The following CTTNBP2NL variants were observed in gnomAD, a reference collection of about 807,000 sequenced individuals.
The protein encoded by CTTNBP2NL is CTTNBP2 N-terminal-like protein.
In CTTNBP2NL, 16 loss-of-function variants were observed where a neutral mutation model predicts 32.5. The observed-to-expected ratio is 0.49, with a 90% CI of 0.33 to 0.75. The LOEUF is 0.75. Among genes scored for constraint, CTTNBP2NL ranks in the 30% least tolerant of loss-of-function variants. The probability of loss-of-function intolerance (pLI) is 0.02; values close to 1 mark genes in which losing one functional copy is unlikely to be tolerated. For synonymous variants in CTTNBP2NL, 298 were observed against 289.4 expected (o/e 1.03, Z -0.30); for missense variants, 645 against 756.0 (o/e 0.85, Z 1.72).
chr1:112,456,494 G>A lies in CTTNBP2NL; in HGVS notation c.1002G>A (p.Gly334=), dbSNP rs773128657. 1.2e-6 allele frequency: 2 copies of A among 1,614,140 alleles called. No homozygotes were observed. Among genetic ancestry groups the A allele is most frequent in the South Asian group, 1.1e-5 (1 of 91,086 alleles). The change falls in exon 6 of 6, where the codon GGG becomes GGA. Residue 334 remains glycine (G), a synonymous_variant. Coordinates refer to ENST00000271277, the MANE Select transcript of CTTNBP2NL (RefSeq NM_018704.3). The part of the protein sequence containing the change: ...GSNIAKMTNT[G]LPGPATPAYS... ...ACATAGCCAAGATGACAAACACTGG[G>A]CTGCCTGGTCCTGCCACTCCTGCTT...
At chr1:112,428,067 A>G (rs569171918) in intron 3 of CTTNBP2NL, among the ~76,000 whole-genome samples, 189 of 152,184 alleles carry the variant, frequency 1.2e-3, no homozygotes, top group Middle Eastern at 6.8e-3. Flanking sequence ...TCTCAATTAT[A>G]AGCATTTATA....
chr1:112,438,286 A>G (rs1043260911), intron 3 of CTTNBP2NL, among the ~76,000 whole-genome samples: 2 of 151,948 alleles, frequency 1.3e-5, no homozygotes, highest in Admixed American at 6.6e-5. Context: ...ATTCCTAGCT[A>G]TTTTATTCTA....
intron 3 of CTTNBP2NL, among the ~76,000 whole-genome samples, chr1:112,419,605 C>G (rs557976379): frequency 6.6e-5 from 10 of 152,232 alleles, no homozygotes; most frequent in Admixed American, 4.6e-4. Flanking sequence ...AGCCTAACAT[C>G]TGCCTTTGGT....
At chr1:112,430,213 T>G (rs1442414516) in intron 3 of CTTNBP2NL, among the ~76,000 whole-genome samples, 1 of 38,098 alleles carries the variant, frequency 2.6e-5, no homozygotes, top group African/African-American at 4.9e-5. Flanking sequence ...TTTCTTTTCT[T>G]TTCTTTTCTT....
At chr1:112,396,034 A>G (rs971860917), upstream of CTTNBP2NL, 1 of 152,268 alleles carries the variant, frequency 6.6e-6, no homozygotes, top group Non-Finnish European at 1.5e-5. Context: ...CGCGAGCTCA[A>G]TCCCGGCCTT....
At chr1:112,419,325 G>GA (rs1276882094) in intron 3 of CTTNBP2NL, among the ~76,000 whole-genome samples, 1 of 152,016 alleles carries the variant, frequency 6.6e-6, no homozygotes, top group Non-Finnish European at 1.5e-5. Context: ...GGGTTAAAAT[G>GA]AAAAAATCGA....
chr1:112,426,762 A>G (rs760772648), intron 3 of CTTNBP2NL, among the ~76,000 whole-genome samples: 1 of 151,702 alleles, frequency 6.6e-6, no homozygotes, highest in Non-Finnish European at 1.5e-5. Context: ...GCCCACCACC[A>G]CACCCAGCTA....
At position 112,457,282 on chromosome 1, in the gene CTTNBP2NL, C is replaced by T. The variant is rs775696533; in HGVS notation, c.1790C>T (p.Thr597Ile). The T allele has an allele frequency of 1.9e-6, 3 of 1,614,214 alleles. No individual in the cohort carries two copies. Among genetic ancestry groups the T allele is most frequent in the South Asian group, 2.2e-5 (2 of 91,058 alleles). Residue 597 changes from threonine to isoleucine, a missense_variant, in exon 6 of 6, where the codon ACT becomes ATT. Transcript: ENST00000271277. Reference sequence around the variant, plus strand: ...CTCACCCCTTCTCCATCTGCTACCACTCCATTGACCAAAACTCATTCCCAG... The same window carrying T: ...CTCACCCCTTCTCCATCTGCTACCATTCCATTGACCAAAACTCATTCCCAG... ...PGLTPSPSATTPLTKTHSQAA... is the reference protein window; with the variant it reads ...PGLTPSPSATIPLTKTHSQAA...
chr1:112,413,248 G>A (rs1175633), intron 2 of CTTNBP2NL, among the ~76,000 whole-genome samples: 135,614 of 152,232 alleles, frequency 0.89, 60,574 homozygotes, highest in East Asian at 1. Flanking sequence ...ATAATACTTG[G>A]TTTTTACTTA....
chr1:112,435,016 A>G (rs1248588417), intron 3 of CTTNBP2NL, among the ~76,000 whole-genome samples: 1 of 151,666 alleles, frequency 6.6e-6, no homozygotes, highest in Admixed American at 6.6e-5. Context: ...GGTGGCACGC[A>G]CCTGTAATCC....
At chr1:112,411,441 A>T (rs1648860616) in intron 1 of CTTNBP2NL, among the ~76,000 whole-genome samples, 1 of 152,212 alleles carries the variant, frequency 6.6e-6, no homozygotes, top group Non-Finnish European at 1.5e-5. Flanking sequence ...TCTGATCATA[A>T]ATGTGAAAAA....
chr1:112,448,931 C>A lies in CTTNBP2NL; in HGVS notation c.100-11C>A. 1 of 1,530,126 alleles carries A rather than the reference C, an allele frequency of 6.5e-7. No homozygotes were observed. Among genetic ancestry groups the A allele is most frequent in the African/African-American group, 1.4e-5 (1 of 72,636 alleles). The allele number at this position is 1,530,126 out of a possible 1,614,324, so 94.8% of individuals were successfully genotyped here. A position where few individuals can be genotyped will look rare whatever the true frequency, so the allele number is the denominator to read the frequency against. The stretch of plus-strand genomic sequence containing the variant: ...AAAAGCAAGATGCTTATTTTTTTTC[C>A]TCTTTCCCAGGCCCAACACAGAGAT... On this transcript the variant is annotated splice_polypyrimidine_tract_variant and intron_variant, in intron 3 of 5. Transcript: ENST00000271277.
At chr1:112,428,194 CAT>C (rs1344294683) in intron 3 of CTTNBP2NL, among the ~76,000 whole-genome samples, 8 of 152,080 alleles carry the variant, frequency 5.3e-5, no homozygotes, top group Non-Finnish European at 1.2e-4. Context: ...GTAGTAGAAT[CAT>C]ATGCATATTT....
intron 4 of CTTNBP2NL, among the ~76,000 whole-genome samples, chr1:112,450,984 T>G (rs2101031726): frequency 6.6e-6 from 1 of 152,168 alleles, no homozygotes; most frequent in African/African-American, 2.4e-5. Flanking sequence ...GGCTTAGTTA[T>G]TAACCATATT....
chr1:112,458,442 A>G lies in CTTNBP2NL; in HGVS notation c.*1030A>G, dbSNP rs1650447851. ...TTTTGCTTAAATGGGAAGTATACAT[A>G]TATCTGTATAGATACATTACCCCTT... On this transcript the variant is annotated 3_prime_UTR_variant, in exon 6 of 6. Coordinates refer to ENST00000271277, the MANE Select transcript of CTTNBP2NL (RefSeq NM_018704.3). 1 of 152,624 alleles carries G rather than the reference A, an allele frequency of 6.6e-6. No individual in the cohort carries two copies. The highest frequency in any genetic ancestry group is 1.5e-5 in the Non-Finnish European group (1 of 68,040). The allele number at this position is 152,624 out of a possible 1,614,324, so 9.5% of individuals were successfully genotyped here.
At chr1:112,406,177 C>G (rs1648659047) in intron 1 of CTTNBP2NL, among the ~76,000 whole-genome samples, 1 of 151,318 alleles carries the variant, frequency 6.6e-6, no homozygotes, top group Admixed American at 6.6e-5. Flanking sequence ...AAGTGAGACT[C>G]CGTCTCAAAA....
intron 3 of CTTNBP2NL, among the ~76,000 whole-genome samples, chr1:112,420,773 G>C (rs1649205274): frequency 6.6e-6 from 1 of 152,048 alleles, no homozygotes; most frequent in Non-Finnish European, 1.5e-5. Flanking sequence ...GCCTATTCCT[G>C]CTCTCTCTGA....
chr1:112,451,413 C>T (rs1015294267), intron 4 of CTTNBP2NL, among the ~76,000 whole-genome samples: 1 of 148,892 alleles, frequency 6.7e-6, no homozygotes, highest in African/African-American at 2.5e-5. Flanking sequence ...GTAGATGTGA[C>T]AGAGGCCAGA....
chr1:112,411,362 A>G (rs866607939), intron 1 of CTTNBP2NL, among the ~76,000 whole-genome samples: 16 of 152,244 alleles, frequency 1.1e-4, no homozygotes, highest in Admixed American at 3.3e-4. Flanking sequence ...TTTTTAATAA[A>G]ATTTGCTGGG....
Sources: allele counts gnomAD v4.1 joint callset (sites outside exome capture counted in the v4.1 genomes callset), GRCh38; gene constraint gnomAD v4.1.1; transcripts MANE v1.5; gene names NCBI Gene and HGNC (gene_info 2026-07-23, HGNC 2026-07-21).